TRERF1: variants seen among roughly 807,000 people sequenced by gnomAD.
The protein encoded by TRERF1 is transcriptional regulating factor 1.
Under a neutral mutation model 122.9 loss-of-function variants are expected in TRERF1, and 27 were observed. That is an observed-to-expected ratio of 0.22 (90% confidence interval 0.16 to 0.30). The LOEUF is 0.30. Among genes scored for constraint, TRERF1 ranks in the 10% least tolerant of loss-of-function variants. TRERF1 has a pLI of 1.00. For synonymous variants in TRERF1, 636 were observed against 641.7 expected (o/e 0.99, Z 0.13); for missense variants, 1,248 against 1,560.3 (o/e 0.80, Z 3.37).
intron 4 of TRERF1, among the ~76,000 whole-genome samples, chr6:42,298,697 T>C (rs1785516188): frequency 6.6e-6 from 1 of 151,428 alleles, no homozygotes; most frequent in African/African-American, 2.4e-5. Flanking sequence ...CCCAGCACTT[T>C]GGGAGGCCGA....
intron 15 of TRERF1, among the ~76,000 whole-genome samples, chr6:42,239,532 C>G (rs59093246): frequency 0.024 from 3,656 of 152,270 alleles, 146 homozygotes; most frequent in African/African-American, 0.082. Context: ...CTTTTCCCCT[C>G]TCAAGTCCTC....
intron 2 of TRERF1, among the ~76,000 whole-genome samples, chr6:42,428,438 G>T: frequency 6.6e-6 from 1 of 152,198 alleles, no homozygotes; most frequent in Non-Finnish European, 1.5e-5. Flanking sequence ...AGTGGGCGTT[G>T]CTACTTTATT....
At chr6:42,388,722 G>A (rs1777215374) in intron 2 of TRERF1, among the ~76,000 whole-genome samples, 2 of 152,192 alleles carry the variant, frequency 1.3e-5, no homozygotes, top group Non-Finnish European at 2.9e-5. Flanking sequence ...AGCCATGAGA[G>A]GCAATCGGCT....
intron 3 of TRERF1, among the ~76,000 whole-genome samples, chr6:42,336,265 A>C (rs1318628233): frequency 5.3e-5 from 8 of 152,148 alleles, no homozygotes; most frequent in East Asian, 1.9e-4. Context: ...ATGAAGAAAG[A>C]AGCAGGATCC....
chr6:42,364,266 T>C (rs1772309268), intron 2 of TRERF1, among the ~76,000 whole-genome samples: 1 of 152,200 alleles, frequency 6.6e-6, no homozygotes, highest in Non-Finnish European at 1.5e-5. Context: ...CAGGCATCTG[T>C]CACTTCCTAC....
At chr6:42,271,767 C>T (rs546542108) in intron 4 of TRERF1, among the ~76,000 whole-genome samples, 2 of 152,134 alleles carry the variant, frequency 1.3e-5, no homozygotes, top group East Asian at 1.9e-4. Flanking sequence ...CATTTTAATA[C>T]TTAGATCTTT....
chr6:42,328,266 C>T (rs1303140991), intron 3 of TRERF1, among the ~76,000 whole-genome samples: 1 of 152,030 alleles, frequency 6.6e-6, no homozygotes, highest in Non-Finnish European at 1.5e-5. Context: ...GCCTCCGCCT[C>T]ACAGAGTGCT....
At chr6:42,267,119 G>T (rs1343525370) in intron 5 of TRERF1, among the ~76,000 whole-genome samples, 1 of 152,220 alleles carries the variant, frequency 6.6e-6, no homozygotes. Flanking sequence ...GAGGCCAGGA[G>T]TTCAAGAGCA....
chr6:42,339,988 G>C (rs1025731777), intron 3 of TRERF1, among the ~76,000 whole-genome samples: 1 of 151,992 alleles, frequency 6.6e-6, no homozygotes, highest in African/African-American at 2.4e-5. Flanking sequence ...CCTCTTTTAG[G>C]GTATGAAGTG....
At chr6:42,401,392 T>C (rs923104530) in intron 2 of TRERF1, among the ~76,000 whole-genome samples, 1 of 152,180 alleles carries the variant, frequency 6.6e-6, no homozygotes, top group African/African-American at 2.4e-5. Context: ...CCTACTATGC[T>C]GTAGGCCTAC....
Position 42,263,507 on chromosome 6 carries a change from G to A in TRERF1, c.1697C>T (p.Pro566Leu). ...GGGAGGGAGCTGTGGTGGCGGCGGAGGCGGAGGCGGAGGCGGCAGTGGTGG... is the reference window on the plus strand; with the variant it reads ...GGGAGGGAGCTGTGGTGGCGGCGGAAGCGGAGGCGGAGGCGGCAGTGGTGG... The change falls in exon 8 of 18, where the codon CCT (proline) becomes CTT (leucine). Residue 566 changes from proline (P) to leucine (L), a missense_variant. Coordinates refer to ENST00000372922, the Ensembl canonical transcript of TRERF1. This position sits in a 1 kb window ranked among gnomAD's most constrained non-coding sequence, Gnocchi z 5.6. 1 of 1,566,840 alleles carries A rather than the reference G, an allele frequency of 6.4e-7. No homozygotes were observed. The highest frequency in any genetic ancestry group is 8.7e-7 in the Non-Finnish European group (1 of 1,154,786).
Position 42,265,740 on chromosome 6 carries a change from A to G in TRERF1, c.1484+11T>C, listed in dbSNP as rs1236665544. On this transcript the variant is annotated intron_variant, in intron 6 of 17. Coordinates refer to ENST00000372922, the Ensembl canonical transcript of TRERF1. Reference sequence around the variant, plus strand: ...TCTCCCAAAATACCAACAAGGTTCCACTCATCCTACCTTGACTCAGGGGAC... The same window carrying G: ...TCTCCCAAAATACCAACAAGGTTCCGCTCATCCTACCTTGACTCAGGGGAC... 2 of 1,612,230 alleles carry G rather than the reference A, an allele frequency of 1.2e-6. No homozygotes were observed. Among genetic ancestry groups the G allele is most frequent in the African/African-American group, 2.7e-5 (2 of 74,964 alleles).
At chr6:42,421,356 A>C (rs1272460062) in intron 2 of TRERF1, among the ~76,000 whole-genome samples, 5 of 152,224 alleles carry the variant, frequency 3.3e-5, no homozygotes, top group African/African-American at 4.8e-5. Flanking sequence ...CTCTATATAC[A>C]CATAAATATA....
At chr6:42,256,930 C>T in intron 11 of TRERF1, 33 bp downstream of exon 11, 1 of 1,613,558 alleles carries the variant, frequency 6.2e-7, no homozygotes, top group East Asian at 2.2e-5. Flanking sequence ...AGAATCAAAC[C>T]TCTCCCACCC....
intron 4 of TRERF1, among the ~76,000 whole-genome samples, chr6:42,281,921 A>G (rs967612388): frequency 3.9e-5 from 6 of 152,190 alleles, no homozygotes; most frequent in Non-Finnish European, 8.8e-5. Flanking sequence ...CTACCTTACC[A>G]ACCTCCCAAT....
intron 2 of TRERF1, among the ~76,000 whole-genome samples, chr6:42,385,508 C>T (rs1417166863): frequency 6.6e-6 from 1 of 152,168 alleles, no homozygotes; most frequent in African/African-American, 2.4e-5. Flanking sequence ...CTGCCAGGAA[C>T]GCAGGTGCAC....
intron 2 of TRERF1, among the ~76,000 whole-genome samples, chr6:42,380,949 T>C (rs73733163): frequency 0.091 from 13,921 of 152,178 alleles, 959 homozygotes; most frequent in African/African-American, 0.19. Context: ...AATGGAAACA[T>C]CCATTTCCAT....
intron 2 of TRERF1, among the ~76,000 whole-genome samples, chr6:42,384,596 G>A (rs1451540218): frequency 1.3e-5 from 2 of 152,088 alleles, no homozygotes; most frequent in Non-Finnish European, 2.9e-5. Flanking sequence ...TTTATATCAT[G>A]TACACACCTC....
intron 8 of TRERF1, among the ~76,000 whole-genome samples, chr6:42,261,112 C>G (rs1777772590): frequency 6.6e-6 from 1 of 152,020 alleles, no homozygotes; most frequent in African/African-American, 2.4e-5. Context: ...CACCAGAGGG[C>G]TCCTCAGCGC....
Sources: allele counts gnomAD v4.1 joint callset (sites outside exome capture counted in the v4.1 genomes callset), GRCh38; gene constraint gnomAD v4.1.1; non-coding constraint Gnocchi (gnomAD v3.1); transcripts MANE v1.5; gene names NCBI Gene and HGNC (gene_info 2026-07-23, HGNC 2026-07-21).